CNGA1: variants seen among roughly 807,000 people sequenced by gnomAD.
The protein encoded by CNGA1 is cyclic nucleotide gated channel subunit alpha 1, also known as cyclic nucleotide-gated channel alpha-1.
Under a neutral mutation model 69.7 loss-of-function variants are expected in CNGA1, and 53 were observed. The ratio of observed to expected loss-of-function variants is 0.76; its 90% CI spans 0.61 to 0.96. The LOEUF (loss-of-function observed/expected upper bound fraction) is 0.96, where lower values mean the gene tolerates loss of function less well. Ranked by LOEUF, CNGA1 falls within the 40% of genes least tolerant of loss-of-function variation. CNGA1 has a pLI of 0.00. For synonymous variants in CNGA1, 249 were observed against 283.5 expected, an observed-to-expected ratio of 0.88 and a Z score of 1.22; for missense variants, 739 against 811.2, an observed-to-expected ratio of 0.91 and a Z score of 1.08.
At chr4:47,974,089 T>C (rs973698563) in intron 3 of CNGA1, among the ~76,000 whole-genome samples, 39 of 146,148 alleles carry the variant, frequency 2.7e-4, no homozygotes, top group Admixed American at 2.0e-3. Context: ...GATAGATAGA[T>C]AGATAGATAG....
chr4:47,935,988 A>G lies in CNGA1; in HGVS notation c.*433T>C. On this transcript the variant is annotated 3_prime_UTR_variant, in exon 11 of 11. Coordinates refer to ENST00000514170, the MANE Select transcript of CNGA1 (RefSeq NM_001379270.1). ...CATTTTCACTACAGTTGCATAATTA[A>G]TTTTACTTTATTGCAGTCTAATTTT... 5.4e-6 allele frequency: 1 copy of G among 183,664 alleles called. No homozygotes were observed. The highest frequency in any genetic ancestry group is 5.5e-5 in the Admixed American group (1 of 18,214). 11.4% of individuals were successfully genotyped at this position (183,664 alleles called of 1,614,324 possible). A position where few individuals can be genotyped will look rare whatever the true frequency, so the allele number is the denominator to read the frequency against.
At chr4:47,996,092 G>A (rs1742467418) in intron 2 of CNGA1, among the ~76,000 whole-genome samples, 1 of 152,058 alleles carries the variant, frequency 6.6e-6, no homozygotes, top group Non-Finnish European at 1.5e-5. Context: ...GAGGTCTCTG[G>A]GTACTCCCAG....
At chr4:47,992,019 G>A (rs1007244692) in intron 2 of CNGA1, among the ~76,000 whole-genome samples, 10 of 152,016 alleles carry the variant, frequency 6.6e-5, no homozygotes, top group African/African-American at 2.4e-4. Flanking sequence ...CTGTTCCATT[G>A]GTCTATGTGC....
In CNGA1 at chr4:47,980,202, A is replaced by G. The variant is rs200694523; in HGVS notation, c.-15+1191T>C. ...TGAGTGATTGGTGTTTATGGGTGTT[A>G]GCCAAGTGAAAGAATGAGTGTAATT... On this transcript the variant is annotated intron_variant, in intron 3 of 10. Transcript: ENST00000514170. 3.9e-5 allele frequency among the ~76,000 whole-genome samples: 6 copies of G among 152,314 alleles called. No homozygotes were observed. In the South Asian group the frequency reaches 1.2e-3, roughly 32 times the overall value.
intron 4 of CNGA1, among the ~76,000 whole-genome samples, chr4:47,951,967 CT>C (rs1212960372): frequency 6.6e-6 from 1 of 152,228 alleles, no homozygotes; most frequent in Non-Finnish European, 1.5e-5. Context: ...AATGTCATCT[CT>C]TTAGATTCAA....
In CNGA1 at chr4:47,937,004, GGTTGCAATTTCAAGACC is replaced by G; in HGVS notation, c.1461_1477del (p.Leu487PhefsTer34). 1 of 1,613,996 alleles carries G rather than the reference GGTTGCAATTTCAAGACC, an allele frequency of 6.2e-7. No homozygotes were observed. The highest frequency in any genetic ancestry group is 1.1e-5 in the South Asian group (1 of 91,072). ...ATAATCTCCAGGACTGTAGACTTGG[GGTTGCAATTTCAAGACC>G]AACTCCACCAACAGACCAGCTTCAC... On this transcript the variant is annotated frameshift_variant, in exon 11 of 11. Coordinates refer to ENST00000514170, the MANE Select transcript of CNGA1 (RefSeq NM_001379270.1). LOFTEE classifies it high-confidence loss of function.
intron 3 of CNGA1, among the ~76,000 whole-genome samples, chr4:47,979,234 T>C (rs576053999): frequency 1.0e-4 from 15 of 148,794 alleles, no homozygotes; most frequent in Non-Finnish European, 2.2e-4. Flanking sequence ...GGCGGGAGGA[T>C]CGCTTGAGCC....
Position 47,959,854 on chromosome 4 carries a change from C to T in CNGA1, c.-14-7151G>A, listed in dbSNP as rs772655546. 1.9e-4 allele frequency among the ~76,000 whole-genome samples: 29 copies of T among 152,132 alleles called. 1 individual carries two copies. Among genetic ancestry groups the T allele is most frequent in the Admixed American group, 5.9e-4 (9 of 15,270 alleles). On this transcript the variant is annotated intron_variant, in intron 3 of 10. Coordinates refer to ENST00000514170, the MANE Select transcript of CNGA1 (RefSeq NM_001379270.1). ...CTCCTGACCTCAAGCGACCTGCCCGCCTTGGCCTCCCAAAGTGCTGGGATT... is the reference window on the plus strand; with the variant it reads ...CTCCTGACCTCAAGCGACCTGCCCGTCTTGGCCTCCCAAAGTGCTGGGATT...
At chr4:48,014,660 T>TA (rs1387615280) in intron 1 of CNGA1, among the ~76,000 whole-genome samples, 1 of 152,200 alleles carries the variant, frequency 6.6e-6, no homozygotes, top group Non-Finnish European at 1.5e-5. Context: ...TCCTCAGCTG[T>TA]AAAGTGGGGG....
intron 2 of CNGA1, among the ~76,000 whole-genome samples, chr4:47,999,154 A>C (rs1714542959): frequency 6.6e-6 from 1 of 152,222 alleles, no homozygotes; most frequent in Admixed American, 6.5e-5. Context: ...ACTTTTCTTA[A>C]AGTATATTGT....
chr4:47,985,342 G>A (rs1341116058), intron 2 of CNGA1, among the ~76,000 whole-genome samples: 3 of 152,104 alleles, frequency 2.0e-5, no homozygotes, highest in Admixed American at 1.3e-4. Context: ...GGGTTAATTA[G>A]AGCAATCTTC....
At chr4:47,980,832 A>G (rs985703658) in intron 3 of CNGA1, among the ~76,000 whole-genome samples, 1 of 151,780 alleles carries the variant, frequency 6.6e-6, no homozygotes. Flanking sequence ...AAAAGAAGGC[A>G]AGGTGATTTA....
In CNGA1 at chr4:47,945,281, C is replaced by T. The variant is rs1012386764; in HGVS notation, c.288-1869G>A. On this transcript the variant is annotated intron_variant, in intron 6 of 10. Transcript: ENST00000514170. ...TTCCAGACCTAAGCCAGTACTTAGACCTAAGCCAGTACTTAGACCTAAAAC... is the reference window on the plus strand; with the variant it reads ...TTCCAGACCTAAGCCAGTACTTAGATCTAAGCCAGTACTTAGACCTAAAAC... 7.9e-5 allele frequency among the ~76,000 whole-genome samples: 12 copies of T among 152,206 alleles called. 1 individual carries two copies. The highest frequency in any genetic ancestry group is 6.5e-4 in the Admixed American group (10 of 15,286).
chr4:47,944,270 G>A (rs1009312103), intron 6 of CNGA1, among the ~76,000 whole-genome samples: 4 of 152,154 alleles, frequency 2.6e-5, no homozygotes, highest in African/African-American at 9.6e-5. Context: ...CTCAATCTGG[G>A]TAAGAATGAC....
chr4:47,990,762 T>C (rs1742228493), intron 2 of CNGA1, among the ~76,000 whole-genome samples: 2 of 152,160 alleles, frequency 1.3e-5, no homozygotes, highest in Admixed American at 1.3e-4. Flanking sequence ...TTTTCTTTAT[T>C]TCTCAGACCA....
chr4:47,994,523 G>A (rs369971090), intron 2 of CNGA1, among the ~76,000 whole-genome samples: 2 of 152,010 alleles, frequency 1.3e-5, no homozygotes, highest in African/African-American at 2.4e-5. Context: ...TGCATGAAAC[G>A]TCTTTTTCCA....
intron 3 of CNGA1, among the ~76,000 whole-genome samples, chr4:47,954,097 G>C (rs940277630): frequency 1.3e-5 from 2 of 152,072 alleles, no homozygotes; most frequent in African/African-American, 4.8e-5. Context: ...AGCAGAGAGC[G>C]GCAGAGAGTG....
At chr4:47,993,563 T>C (rs974625079) in intron 2 of CNGA1, among the ~76,000 whole-genome samples, 3 of 152,120 alleles carry the variant, frequency 2.0e-5, no homozygotes, top group Admixed American at 1.3e-4. Context: ...TGAGCTTTTT[T>C]GGATTTTCTC....
chr4:47,976,218 T>C (rs1199988917), intron 3 of CNGA1, among the ~76,000 whole-genome samples: 1 of 71,188 alleles, frequency 1.4e-5, no homozygotes, highest in Non-Finnish European at 2.2e-5. Context: ...TATATACACA[T>C]ACATATATAT....
Sources: allele counts gnomAD v4.1 joint callset (sites outside exome capture counted in the v4.1 genomes callset), GRCh38; gene constraint gnomAD v4.1.1; transcripts MANE v1.5; gene names NCBI Gene and HGNC (gene_info 2026-07-23, HGNC 2026-07-21).